Variants in POLH observed in about 807,000 individuals in gnomAD.
POLH encodes the protein DNA polymerase eta.
In POLH, 53 loss-of-function variants were observed where a neutral mutation model predicts 73.6. The ratio of observed to expected loss-of-function variants is 0.72; its 90% confidence interval spans 0.58 to 0.91. The LOEUF is 0.91. Ranked by LOEUF, POLH falls within the 40% of genes least tolerant of loss-of-function variation. The pLI is 0.00. For missense variants in POLH, 768 were observed against 865.4 expected (o/e 0.89, Z 1.41); for synonymous variants, 292 against 308.5 (o/e 0.95, Z 0.56).
At chr6:43,576,962 C>T (rs1763418510) in intron 1 of POLH, among the ~76,000 whole-genome samples, 1 of 152,130 alleles carries the variant, frequency 6.6e-6, no homozygotes, top group African/African-American at 2.4e-5. Context: ...TCGAGACCAG[C>T]CTCACCAACA....
chr6:43,605,792 C>T (rs1454558068), intron 9 of POLH, among the ~76,000 whole-genome samples: 2 of 151,986 alleles, frequency 1.3e-5, no homozygotes. Context: ...GATCTTGGCT[C>T]ACTGCAACCT....
At position 43,614,606 on chromosome 6, in the gene POLH, GATCTTT is replaced by G. The variant is rs113630429; in HGVS notation, c.*57_*62del. 1.3e-4 allele frequency: 190 copies of G among 1,435,402 alleles called. 2 individuals carry two copies. The Middle Eastern group carries it at 1.4e-3, about 11-fold the overall frequency. 88.9% of individuals were successfully genotyped at this position (1,435,402 alleles called of 1,614,324 possible). A position where few individuals can be genotyped will look rare whatever the true frequency, so the allele number is the denominator to read the frequency against. On this transcript the variant is annotated 3_prime_UTR_variant, in exon 11 of 11. Transcript: ENST00000372236. ...GGATTTAATATTTTTTATCTTTACA[GATCTTT>G]ATCTTTAATATTTTATCTTTACAGA... is the stretch of plus-strand genomic sequence containing the variant.
rs769628909 is a variant in POLH, at chr6:43,614,483, G to A, written c.2068G>A (p.Ala690Thr). The A allele has an allele frequency of 6.2e-7, 1 of 1,614,126 alleles. No individual in the cohort carries two copies. The highest frequency in any genetic ancestry group is 1.1e-5 in the South Asian group (1 of 91,088). ...CAAAAGAAATCCCAAGAGCCCTTTG[G>A]CCTGCACTAATAAACGCCCCAGGCC... ...QGKRNPKSPL[A>T]CTNKRPRPEG... The change falls in exon 11 of 11, where the codon GCC becomes ACC. Residue 690 changes from alanine to threonine, a missense_variant. Ala to Thr is a moderately conservative substitution (Grantham distance 58). Transcript: ENST00000372236.
chr6:43,601,422 C>T (rs183516397), intron 6 of POLH, among the ~76,000 whole-genome samples: 2 of 152,080 alleles, frequency 1.3e-5, no homozygotes, highest in African/African-American at 4.8e-5. Flanking sequence ...CCCACCACCA[C>T]GCCTGGCTAA....
intron 1 of POLH, among the ~76,000 whole-genome samples, chr6:43,581,619 C>T (rs1035836355): frequency 6.8e-6 from 1 of 146,486 alleles, no homozygotes; most frequent in Non-Finnish European, 1.5e-5. Context: ...CTCGCCGGCG[C>T]GGCGGCAAAG....
intron 3 of POLH, among the ~76,000 whole-genome samples, chr6:43,587,034 G>C (rs1017192130): frequency 6.6e-6 from 1 of 152,038 alleles, no homozygotes; most frequent in African/African-American, 2.4e-5. Flanking sequence ...TTTCTGCCTT[G>C]GTAGTTCTGG....
At chr6:43,602,887 C>T (rs907856462) in intron 6 of POLH, among the ~76,000 whole-genome samples, 4 of 151,628 alleles carry the variant, frequency 2.6e-5, no homozygotes, top group Non-Finnish European at 5.9e-5. Flanking sequence ...AGGCTGGTCT[C>T]AAACTCCTGG....
At chr6:43,587,249 T>G (rs771190464) in intron 3 of POLH, 23 bp from the exon 4 acceptor site, 14 of 1,584,542 alleles carry the variant, frequency 8.8e-6, no homozygotes, top group Non-Finnish European at 1.2e-5. Context: ...ATTGCCTGCA[T>G]GAATGATCCT....
At position 43,583,136 on chromosome 6, in the gene POLH, C is replaced by A. The variant is rs1484632687; in HGVS notation, c.267C>A (p.Leu89=). 20 of 1,613,692 alleles carry A rather than the reference C, an allele frequency of 1.2e-5. No homozygotes were observed. In the Admixed American group the frequency reaches 3.3e-4, roughly 27 times the overall value. ...GTGAGTCCCGTGGGAAAGCTAACCT[C>A]ACCAAGTAAGAAAAAAACATTATTT... ...QVRESRGKAN[L]TKYREASVEV... Residue 89 remains leucine (L), a synonymous_variant, in exon 3 of 11, where the codon CTC becomes CTA. Transcript: ENST00000372236.
Position 43,587,264 on chromosome 6 carries a change from C to A in POLH, c.273-8C>A. On this transcript the variant is annotated splice_polypyrimidine_tract_variant and splice_region_variant and intron_variant, in intron 3 of 10. Transcript: ENST00000372236. ...ATTGCCTGCATGAATGATCCTTATA[C>A]TTCTTAGGTACCGGGAAGCCAGTGT... 6.2e-7 allele frequency: 1 copy of A among 1,608,830 alleles called. No individual in the cohort carries two copies. The highest frequency in any genetic ancestry group is 8.5e-7 in the Non-Finnish European group (1 of 1,175,162).
Position 43,620,208 on chromosome 6 carries a change from T to G in POLH, c.*5651T>G. On this transcript the variant is annotated 3_prime_UTR_variant, in exon 11 of 11. Coordinates refer to ENST00000372236, the MANE Select transcript of POLH (RefSeq NM_006502.3). ...GTGGGCTCCTTACTATTCTGACCAC[T>G]AGCAAGTGGCCAACTCTTCAAATAC... The G allele has an allele frequency of 1.9e-6, 1 of 513,432 alleles. No homozygotes were observed. The allele number at this position is 513,432 out of a possible 1,614,324, so 31.8% of individuals were successfully genotyped here.
At chr6:43,591,126 T>G (rs1383294619) in intron 4 of POLH, 1 of 152,094 alleles carries the variant, frequency 6.6e-6, no homozygotes, top group Non-Finnish European at 1.5e-5. Flanking sequence ...GCAGATCCTT[T>G]AGTTCTTTGG....
chr6:43,620,352 A>C lies in POLH; in HGVS notation c.*5795A>C, dbSNP rs1045874687. The C allele has an allele frequency of 5.9e-6, 3 of 506,776 alleles. No homozygotes were observed. The highest frequency in any genetic ancestry group is 5.9e-5 in the African/African-American group (3 of 51,016). The allele number at this position is 506,776 out of a possible 1,614,324, so 31.4% of individuals were successfully genotyped here. A position where few individuals can be genotyped will look rare whatever the true frequency, so the allele number is the denominator to read the frequency against. ...TCTGAACCTATGTGGAGGAGAGAAA[A>C]ACAATGGTGAACGAGATACCAGCTG... On this transcript the variant is annotated 3_prime_UTR_variant, in exon 11 of 11. Coordinates refer to ENST00000372236, the MANE Select transcript of POLH (RefSeq NM_006502.3).
chr6:43,590,230 G>A (rs1290904160), intron 4 of POLH, among the ~76,000 whole-genome samples: 1 of 151,874 alleles, frequency 6.6e-6, no homozygotes, highest in African/African-American at 2.4e-5. Context: ...ATGGTAGCAT[G>A]TGCCTGTAAT....
In POLH at chr6:43,614,410, G is replaced by A. The variant is rs1001542170; in HGVS notation, c.1995G>A (p.Gln665=). The A allele has an allele frequency of 3.1e-6, 5 of 1,614,022 alleles. No homozygotes were observed. Among genetic ancestry groups the A allele is most frequent in the Middle Eastern group, 1.6e-4 (1 of 6,084 alleles). The change falls in exon 11 of 11, where the codon CAG becomes CAA. Residue 665 remains glutamine (Q), a synonymous_variant. Transcript: ENST00000372236. ...TGGAGTTGCAGAAATCCTTTTTGCA[G>A]CCCCACTCTTCAAACCCCCAGGTTG... is the stretch of plus-strand genomic sequence containing the variant. ...FALELQKSFL[Q]PHSSNPQVVS...
chr6:43,585,479 A>G (rs183119439), intron 3 of POLH, among the ~76,000 whole-genome samples: 8 of 152,272 alleles, frequency 5.3e-5, no homozygotes, highest in Admixed American at 1.3e-4. Flanking sequence ...TCCTGAAGCT[A>G]TTAGTTAACA....
chr6:43,613,870 AAAAGCTGCAG>A lies in POLH; in HGVS notation c.1460_1469del (p.Ala487GlyfsTer20). The stretch of plus-strand genomic sequence containing the variant: ...CCACGTCTCTGGAATCATTCTTCCA[AAAAGCTGCAG>A]AAAGGCAGAAAGTTAAAGAAGCTTC... On this transcript the variant is annotated frameshift_variant, in exon 11 of 11. Coordinates refer to ENST00000372236, the MANE Select transcript of POLH (RefSeq NM_006502.3). LOFTEE classifies it high-confidence loss of function. 6.2e-7 allele frequency: 1 copy of A among 1,614,190 alleles called. No individual in the cohort carries two copies. The highest frequency in any genetic ancestry group is 8.5e-7 in the Non-Finnish European group (1 of 1,180,040).
intron 4 of POLH, among the ~76,000 whole-genome samples, chr6:43,589,937 T>A (rs1215778162): frequency 6.6e-6 from 1 of 152,182 alleles, no homozygotes; most frequent in East Asian, 1.9e-4. Context: ...TGGGTTTTTT[T>A]AATGAATTCA....
chr6:43,613,590 G>A lies in POLH; in HGVS notation c.1245-70G>A, dbSNP rs920298116. The A allele has an allele frequency of 2.2e-5, 27 of 1,222,722 alleles. 1 individual carries two copies. The Admixed American group carries it at 2.8e-4, about 13-fold the overall frequency. The allele number at this position is 1,222,722 out of a possible 1,614,324, so 75.7% of individuals were successfully genotyped here. On this transcript the variant is annotated intron_variant, in intron 10 of 10. Coordinates refer to ENST00000372236, the MANE Select transcript of POLH (RefSeq NM_006502.3). ...TGAAATAAAACAGATACAATTCATG[G>A]AATTAGCAATAGGTCACTATTTTAA...
Sources: allele counts gnomAD v4.1 joint callset (sites outside exome capture counted in the v4.1 genomes callset), GRCh38; gene constraint gnomAD v4.1.1; transcripts MANE v1.5; gene names NCBI Gene and HGNC (gene_info 2026-07-23, HGNC 2026-07-21).